Variants in METTL8 observed in about 807,000 individuals in gnomAD.
METTL8 encodes methyltransferase 8, tRNA N3-cytidine.
METTL8 carries 32 observed loss-of-function variants against 48.7 expected under a neutral mutation model. That is an observed-to-expected ratio of 0.66 (90% CI 0.50 to 0.88). The LOEUF (loss-of-function observed/expected upper bound fraction) is 0.88, where lower values mean the gene tolerates loss of function less well. Ranked by LOEUF, METTL8 falls within the 40% of genes least tolerant of loss-of-function variation. The pLI is 0.00. For synonymous variants in METTL8, 136 were observed against 157.1 expected (o/e 0.87, Z 1.01); for missense variants, 464 against 474.4 (o/e 0.98, Z 0.20).
rs186673387 is a variant in METTL8, at chr2:171,344,269, T to A, written c.236-4715A>T. On this transcript the variant is annotated intron_variant, in intron 3 of 9. Transcript: ENST00000375258. ...AATTTGCAGAGAAAGAAATTCAATG[T>A]CAGAGGAAATAAAGAATTTCCCCAA... Among the ~76,000 whole-genome samples, 82 of 152,296 alleles carry A rather than the reference T, an allele frequency of 5.4e-4. 1 individual carries two copies. Among genetic ancestry groups the A allele is most frequent in the Admixed American group, 5.4e-3 (82 of 15,290 alleles).
At chr2:171,384,147 C>T (rs1316715102) in intron 2 of METTL8, among the ~76,000 whole-genome samples, 1 of 152,096 alleles carries the variant, frequency 6.6e-6, no homozygotes, top group African/African-American at 2.4e-5. Flanking sequence ...GGTATATGAC[C>T]CTCCAAGACA....
At chr2:171,397,532 C>T (rs1411775262) in intron 1 of METTL8, among the ~76,000 whole-genome samples, 2 of 113,412 alleles carry the variant, frequency 1.8e-5, no homozygotes, top group African/African-American at 3.5e-5. Context: ...GCATTCTGGG[C>T]GACAGAGCAA....
At chr2:171,326,380 G>A (rs535543092) in intron 7 of METTL8, 8 of 448,978 alleles carry the variant, frequency 1.8e-5, no homozygotes, top group Middle Eastern at 5.9e-4. Context: ...TCACCCAAAT[G>A]ATCAGAGTGG....
chr2:171,411,783 C>A (rs1355239918), intron 1 of METTL8, among the ~76,000 whole-genome samples: 1 of 152,036 alleles, frequency 6.6e-6, no homozygotes, highest in Admixed American at 6.6e-5. Context: ...GATACCAAAG[C>A]CACAAACTAT....
At chr2:171,410,902 T>C (rs1690685844) in intron 1 of METTL8, among the ~76,000 whole-genome samples, 1 of 152,252 alleles carries the variant, frequency 6.6e-6, no homozygotes, top group African/African-American at 2.4e-5. Flanking sequence ...AATGATAGTA[T>C]CTTTAGATAT....
At chr2:171,337,188 C>T (rs1686213892) in intron 5 of METTL8, among the ~76,000 whole-genome samples, 1 of 152,082 alleles carries the variant, frequency 6.6e-6, no homozygotes, top group African/African-American at 2.4e-5. Flanking sequence ...TTCTTATTCT[C>T]TCATCCATAT....
intron 2 of METTL8, among the ~76,000 whole-genome samples, chr2:171,384,648 A>C (rs1687873797): frequency 6.6e-6 from 1 of 151,740 alleles, no homozygotes; most frequent in Admixed American, 6.6e-5. Flanking sequence ...TGGGCAACAT[A>C]GTGAGACCCC....
At chr2:171,385,387 A>C (rs576219370) in intron 2 of METTL8, among the ~76,000 whole-genome samples, 3 of 152,296 alleles carry the variant, frequency 2.0e-5, no homozygotes, top group African/African-American at 7.2e-5. Flanking sequence ...ATTCTTAAAT[A>C]TAAAGGAGAA....
At chr2:171,370,740 G>A (rs934617059) in intron 2 of METTL8, among the ~76,000 whole-genome samples, 3 of 152,174 alleles carry the variant, frequency 2.0e-5, no homozygotes, top group Non-Finnish European at 2.9e-5. Flanking sequence ...GCAGTGAGCC[G>A]AGATCAGGCC....
At chr2:171,399,424 A>G (rs1044454832) in intron 1 of METTL8, among the ~76,000 whole-genome samples, 3 of 152,150 alleles carry the variant, frequency 2.0e-5, no homozygotes, top group Non-Finnish European at 4.4e-5. Flanking sequence ...GTATAAAAGG[A>G]CTTGGGTTCA....
intron 7 of METTL8, among the ~76,000 whole-genome samples, chr2:171,327,913 T>G (rs1267826846): frequency 6.6e-6 from 1 of 152,206 alleles, no homozygotes; most frequent in East Asian, 1.9e-4. Context: ...AAAACAAGTA[T>G]GAAACTAAAA....
chr2:171,381,338 A>G (rs1322171229), intron 2 of METTL8, among the ~76,000 whole-genome samples: 2 of 152,232 alleles, frequency 1.3e-5, no homozygotes, highest in African/African-American at 4.8e-5. Context: ...TTCAGGACAT[A>G]GGCATGGGCA....
chr2:171,360,450 TGA>T lies in METTL8; in HGVS notation c.205_206del (p.Ala70CysfsTer10), dbSNP rs753713386. ...GCTCTTCCAGAAGGACTCGCACAGC[TGA>T]GTTTTCTTTTACTTTTTTTCTGGCT... ...AAARKKVKENSAVRVLLEEQV... is the reference protein window; with the variant it reads ...AAARKKVKENXAVRVLLEEQV... On this transcript the variant is annotated frameshift_variant, in exon 3 of 10. Transcript: ENST00000375258. LOFTEE classifies it high-confidence loss of function. 6.2e-7 allele frequency: 1 copy of T among 1,613,922 alleles called. No individual in the cohort carries two copies. The highest frequency in any genetic ancestry group is 1.7e-5 in the Admixed American group (1 of 60,010).
chr2:171,328,534 G>A (rs1215469718), intron 7 of METTL8, among the ~76,000 whole-genome samples: 1 of 151,994 alleles, frequency 6.6e-6, no homozygotes, highest in Non-Finnish European at 1.5e-5. Context: ...TTTGAGACAG[G>A]GTCTTACTCA....
chr2:171,374,493 T>C (rs1686734171), intron 2 of METTL8, among the ~76,000 whole-genome samples: 1 of 152,216 alleles, frequency 6.6e-6, no homozygotes, highest in South Asian at 2.1e-4. Flanking sequence ...AAGGTTTTAA[T>C]GAGGTGTAAC....
intron 2 of METTL8, among the ~76,000 whole-genome samples, chr2:171,386,748 G>A (rs538551352): frequency 6.6e-6 from 1 of 152,262 alleles, no homozygotes; most frequent in Admixed American, 6.5e-5. Context: ...ACCTAGGTGA[G>A]GACAGGCATT....
At position 171,337,508 on chromosome 2, in the gene METTL8, A is replaced by G; in HGVS notation, c.607-6T>C. 1 of 1,602,630 alleles carries G rather than the reference A, an allele frequency of 6.2e-7. No individual in the cohort carries two copies. On this transcript the variant is annotated splice_region_variant and splice_polypyrimidine_tract_variant and intron_variant, in intron 4 of 9. Transcript: ENST00000375258. ...TTTCCAGCTCCACAACCAACCTAAAATCAAAAGAACAAGCAAATATCAAAA... is the reference window on the plus strand; with the variant it reads ...TTTCCAGCTCCACAACCAACCTAAAGTCAAAAGAACAAGCAAATATCAAAA...
chr2:171,355,790 G>T (rs759391462), intron 3 of METTL8, among the ~76,000 whole-genome samples: 1 of 152,232 alleles, frequency 6.6e-6, no homozygotes, highest in African/African-American at 2.4e-5. Context: ...TAATCTCCTG[G>T]TGCGCCGTTT....
At chr2:171,365,506 C>T (rs909888204) in intron 2 of METTL8, among the ~76,000 whole-genome samples, 3 of 152,184 alleles carry the variant, frequency 2.0e-5, no homozygotes, top group Non-Finnish European at 2.9e-5. Context: ...GCCTCTGATG[C>T]TCTGGTCCCC....
Sources: allele counts gnomAD v4.1 joint callset (sites outside exome capture counted in the v4.1 genomes callset), GRCh38; gene constraint gnomAD v4.1.1; transcripts MANE v1.5; gene names NCBI Gene and HGNC (gene_info 2026-07-23, HGNC 2026-07-21).